The following CEP126 variants were observed in gnomAD, a reference collection of about 807,000 sequenced individuals.
CEP126 encodes centrosomal protein 126.
In CEP126, 74 loss-of-function variants were observed where a neutral mutation model predicts 107.8. The ratio of observed to expected loss-of-function variants is 0.69; its 90% confidence interval spans 0.57 to 0.83. The LOEUF (loss-of-function observed/expected upper bound fraction) is 0.83, where lower values mean the gene tolerates loss of function less well. Among genes scored for constraint, CEP126 ranks in the 40% least tolerant of loss-of-function variants. CEP126 has a pLI of 0.00. For synonymous variants in CEP126, 449 were observed against 446.0 expected (o/e 1.01, Z -0.08); for missense variants, 1,237 against 1,281.9 (o/e 0.96, Z 0.53).
At chr11:101,995,014 T>C (rs1319027701) in intron 10 of CEP126, among the ~76,000 whole-genome samples, 1 of 152,118 alleles carries the variant, frequency 6.6e-6, no homozygotes, top group African/African-American at 2.4e-5. Context: ...CCTAATGCTA[T>C]CTCTCCCCTA....
intron 2 of CEP126, among the ~76,000 whole-genome samples, chr11:101,938,461 T>A (rs1481910328): frequency 1.3e-5 from 2 of 151,788 alleles, no homozygotes; most frequent in African/African-American, 4.8e-5. Flanking sequence ...GATTCTTTCT[T>A]CTTTAGGATA....
chr11:101,987,508 T>G (rs1941329372), intron 9 of CEP126, among the ~76,000 whole-genome samples: 1 of 152,034 alleles, frequency 6.6e-6, no homozygotes, highest in South Asian at 2.1e-4. Context: ...GAAATTGAAC[T>G]TTGCTTTCCA....
At chr11:101,944,483 G>A (rs923605893) in intron 3 of CEP126, 73 bp downstream of exon 3, 25 of 1,385,592 alleles carry the variant, frequency 1.8e-5, no homozygotes, top group Admixed American at 5.5e-5. Context: ...CAATAAAATC[G>A]TAAATGAAGA....
Position 101,944,373 on chromosome 11 carries a change from G to C in CEP126, c.357G>C (p.Gln119His), listed in dbSNP as rs570584893. ...TTGAAGAAGTTACTGAAAAATTCCA[G>C]CGTGCCCATGTTCCTCTTTCACAGC... Reference protein sequence around the residue: ...QKFEEVTEKFQRAHVPLSQRR... With the variant: ...QKFEEVTEKFHRAHVPLSQRR... The change falls in exon 3 of 11, where the codon CAG (glutamine) becomes CAC (histidine). Residue 119 changes from glutamine to histidine, a missense_variant. Gln to His is a conservative substitution (Grantham distance 24). This residue lies in a region of CEP126 where 1,134 missense variants were observed against 1,150.5 expected (regional missense o/e 0.99). Transcript: ENST00000263468. 1.2e-6 allele frequency: 2 copies of C among 1,611,754 alleles called. No homozygotes were observed. The highest frequency in any genetic ancestry group is 4.5e-5 in the East Asian group (2 of 44,732).
At chr11:101,954,424 A>G (rs898753913) in intron 4 of CEP126, among the ~76,000 whole-genome samples, 1 of 152,314 alleles carries the variant, frequency 6.6e-6, no homozygotes, top group East Asian at 1.9e-4. Context: ...TAGAAGAGTT[A>G]AACTGTCAGA....
At chr11:101,976,739 T>C (rs977450260) in intron 6 of CEP126, among the ~76,000 whole-genome samples, 1 of 152,210 alleles carries the variant, frequency 6.6e-6, no homozygotes. Flanking sequence ...AACCTACTAC[T>C]ACCTTTTTTG....
intron 4 of CEP126, among the ~76,000 whole-genome samples, chr11:101,950,918 A>G (rs1445213564): frequency 6.6e-6 from 1 of 152,212 alleles, no homozygotes; most frequent in East Asian, 1.9e-4. Flanking sequence ...CCTCTTTCTT[A>G]TTTTAGAAAG....
At chr11:101,922,201 G>A (rs537338530) in intron 1 of CEP126, among the ~76,000 whole-genome samples, 1 of 124,456 alleles carries the variant, frequency 8.0e-6, no homozygotes, top group South Asian at 2.5e-4. Flanking sequence ...TCTTGCTCTT[G>A]TCACCCAGAC....
chr11:101,989,504 AT>A (rs1316941533), intron 9 of CEP126, among the ~76,000 whole-genome samples: 1 of 152,224 alleles, frequency 6.6e-6, no homozygotes, highest in Non-Finnish European at 1.5e-5. Context: ...ATACGTATAT[AT>A]TTTGTGTGTG....
In CEP126 at chr11:101,963,203, A is replaced by C. The variant is rs780247605; in HGVS notation, c.2168A>C (p.Lys723Thr). Reference sequence around the variant, plus strand: ...ATACCTTCAGGTTATAACTTTGCTAAACATGCCTGGCCAGCCTCAAAAAAA... The same window carrying C: ...ATACCTTCAGGTTATAACTTTGCTACACATGCCTGGCCAGCCTCAAAAAAA... ...CFIPSGYNFA[K>T]HAWPASKKEE... The change falls in exon 6 of 11, where the codon AAA becomes ACA. Residue 723 changes from lysine (K) to threonine (T), a missense_variant. Around this residue, in one of 3 missense-constraint regions of CEP126, gnomAD observed 1,134 missense variants for 1,150.5 expected, o/e 0.99. Coordinates refer to ENST00000263468, the MANE Select transcript of CEP126 (RefSeq NM_020802.4). 9.3e-6 allele frequency: 15 copies of C among 1,613,958 alleles called. No homozygotes were observed. Among genetic ancestry groups the C allele is most frequent in the Non-Finnish European group, 1.3e-5 (15 of 1,180,012 alleles).
Position 101,922,682 on chromosome 11 carries a change from G to T in CEP126, c.170G>T (p.Arg57Leu), listed in dbSNP as rs202117230. 6.2e-7 allele frequency: 1 copy of T among 1,607,166 alleles called. No individual in the cohort carries two copies. The highest frequency in any genetic ancestry group is 1.1e-5 in the South Asian group (1 of 90,926). Residue 57 changes from arginine to leucine, a missense_variant, in exon 2 of 11, where the codon CGC (arginine) becomes CTC (leucine). Arg to Leu is a moderately radical substitution (Grantham distance 102). This residue lies in a region of CEP126 where 1,134 missense variants were observed against 1,150.5 expected (regional missense o/e 0.99). Coordinates refer to ENST00000263468, the MANE Select transcript of CEP126 (RefSeq NM_020802.4). ...IHLEKNLEEE[R>L]QILLQQQKIC... ...CTGGAGAAAAATTTAGAAGAAGAGC[G>T]CCAGATATTACTGCAGCAACAAAAA...
intron 10 of CEP126, among the ~76,000 whole-genome samples, chr11:101,995,035 C>A (rs1386706834): frequency 6.6e-6 from 1 of 152,132 alleles, no homozygotes; most frequent in South Asian, 2.1e-4. Flanking sequence ...GCCCTCCACC[C>A]CCGACAGGCC....
At chr11:101,967,088 G>GC (rs1186210169) in intron 6 of CEP126, among the ~76,000 whole-genome samples, 2 of 147,210 alleles carry the variant, frequency 1.4e-5, no homozygotes, top group Admixed American at 6.8e-5. Flanking sequence ...GGGCGCAGTG[G>GC]CGTGATCATG....
chr11:101,950,731 T>C (rs984033009), intron 4 of CEP126, among the ~76,000 whole-genome samples: 1 of 152,184 alleles, frequency 6.6e-6, no homozygotes, highest in African/African-American at 2.4e-5. Flanking sequence ...CCTGAGGAAA[T>C]AGAACTTATT....
intron 9 of CEP126, among the ~76,000 whole-genome samples, chr11:101,989,408 T>C (rs1941350821): frequency 6.6e-6 from 1 of 152,118 alleles, no homozygotes; most frequent in African/African-American, 2.4e-5. Flanking sequence ...AGCACTTCCC[T>C]ATCATGACAA....
rs1166058773 is a variant in CEP126, at chr11:101,956,028, C to A, written c.507-2140C>A. On this transcript the variant is annotated intron_variant, in intron 4 of 10. Transcript: ENST00000263468. Reference sequence around the variant, plus strand: ...TACCCAATTAAATATCATCCTTGTCCTCCAACCCCGGCTACTTCCAGCATT... The same window carrying A: ...TACCCAATTAAATATCATCCTTGTCATCCAACCCCGGCTACTTCCAGCATT... The A allele has an allele frequency of 1.3e-5, 6 of 456,542 alleles. No homozygotes were observed. In the Admixed American group the frequency reaches 1.4e-4, roughly 11 times the overall value. The allele number at this position is 456,542 out of a possible 1,614,324, so 28.3% of individuals were successfully genotyped here.
chr11:101,934,488 A>G (rs1335828853), intron 2 of CEP126, among the ~76,000 whole-genome samples: 1 of 151,878 alleles, frequency 6.6e-6, no homozygotes, highest in African/African-American at 2.4e-5. Flanking sequence ...AGGTCCTCCA[A>G]TCCATTTATC....
intron 6 of CEP126, among the ~76,000 whole-genome samples, chr11:101,964,901 C>A (rs1941041549): frequency 6.6e-6 from 1 of 152,128 alleles, no homozygotes; most frequent in Admixed American, 6.5e-5. Context: ...CAAGTGAATA[C>A]ATGTAGTTAT....
At position 101,963,067 on chromosome 11, in the gene CEP126, A is replaced by T. The variant is rs1372873010; in HGVS notation, c.2032A>T (p.Thr678Ser). 1.2e-6 allele frequency: 2 copies of T among 1,614,132 alleles called. No homozygotes were observed. The highest frequency in any genetic ancestry group is 4.5e-5 in the East Asian group (2 of 44,864). Reference protein sequence around the residue: ...GAGSNIISVSTCAVNSADTKK... With the variant: ...GAGSNIISVSSCAVNSADTKK... ...TGGAAGCAACATAATTAGTGTTTCT[A>T]CTTGTGCTGTAAATTCTGCTGATAC... The change falls in exon 6 of 11, where the codon ACT becomes TCT. Residue 678 changes from threonine (T) to serine (S), a missense_variant. By Grantham distance (58) the Thr-to-Ser change is moderately conservative. Coordinates refer to ENST00000263468, the MANE Select transcript of CEP126 (RefSeq NM_020802.4).
Sources: allele counts gnomAD v4.1 joint callset (sites outside exome capture counted in the v4.1 genomes callset), GRCh38; gene constraint gnomAD v4.1.1; regional missense constraint gnomAD v4.1.1; transcripts MANE v1.5; gene names NCBI Gene and HGNC (gene_info 2026-07-23, HGNC 2026-07-21).